SPATA6: variants seen among roughly 807,000 people sequenced by gnomAD.
SPATA6 encodes spermatogenesis-associated protein 6.
Under a neutral mutation model 65.3 loss-of-function variants are expected in SPATA6, and 56 were observed. The ratio of observed to expected loss-of-function variants is 0.86; its 90% CI spans 0.69 to 1.07. SPATA6 has a LOEUF of 1.07. SPATA6 is among the 50% of genes least tolerant of loss of function. SPATA6 has a pLI of 0.00. For missense variants in SPATA6, 590 were observed against 594.8 expected (o/e 0.99, Z 0.08); for synonymous variants, 199 against 213.2 (o/e 0.93, Z 0.58).
chr1:48,292,569 C>A (rs762210559), downstream of SPATA6, among the ~76,000 whole-genome samples: 1 of 152,198 alleles, frequency 6.6e-6, no homozygotes, highest in Non-Finnish European at 1.5e-5. Context: ...CCAAGACCAG[C>A]AGCAGGTGTT....
intron 9 of SPATA6, among the ~76,000 whole-genome samples, chr1:48,363,955 C>A (rs1646907463): frequency 1.3e-5 from 2 of 152,104 alleles, no homozygotes; most frequent in South Asian, 4.2e-4. Flanking sequence ...TCCCCCCTTC[C>A]CCCACCTCAC....
intron 9 of SPATA6, among the ~76,000 whole-genome samples, chr1:48,372,619 C>A (rs1647411540): frequency 1.3e-5 from 2 of 152,364 alleles, no homozygotes; most frequent in South Asian, 2.1e-4. Flanking sequence ...GGCAGTGCCC[C>A]AGTAGGGACT....
At chr1:48,436,077 T>C in intron 3 of SPATA6, 1 of 1,609,874 alleles carries the variant, frequency 6.2e-7, no homozygotes, top group Non-Finnish European at 8.5e-7. Context: ...AGCCAACCCT[T>C]TCCTGGTCAC....
intron 10 of SPATA6, among the ~76,000 whole-genome samples, chr1:48,356,901 T>C (rs1646677472): frequency 6.6e-6 from 1 of 152,152 alleles, no homozygotes; most frequent in African/African-American, 2.4e-5. Flanking sequence ...TAATGAATAA[T>C]CAATTATCTA....
chr1:48,291,524 C>T (rs1644767661), downstream of SPATA6, among the ~76,000 whole-genome samples: 1 of 151,834 alleles, frequency 6.6e-6, no homozygotes, highest in African/African-American at 2.4e-5. Context: ...TCGGCAGCCA[C>T]AGGCCTCAAC....
chr1:48,403,148 T>C (rs1177743635), intron 6 of SPATA6, among the ~76,000 whole-genome samples: 1 of 151,942 alleles, frequency 6.6e-6, no homozygotes. Flanking sequence ...GGCAACAGAG[T>C]GAGGCCCTGT....
At chr1:48,429,350 C>G (rs1049992560) in intron 3 of SPATA6, among the ~76,000 whole-genome samples, 6 of 151,966 alleles carry the variant, frequency 3.9e-5, no homozygotes, top group African/African-American at 1.2e-4. Flanking sequence ...ACTGCATATA[C>G]AGAGAAAATT....
At chr1:48,338,961 C>T (rs911177684) in intron 11 of SPATA6, among the ~76,000 whole-genome samples, 1 of 151,992 alleles carries the variant, frequency 6.6e-6, no homozygotes, top group African/African-American at 2.4e-5. Flanking sequence ...TTAGTAGAAG[C>T]TGGTCTCTGT....
rs1328559869 is a variant in SPATA6 at position 48,451,598 on chromosome 1, C to G, written c.192G>C (p.Val64=). The change falls in exon 3 of 13, where the codon GTG becomes GTC. Residue 64 remains valine, a splice_region_variant and synonymous_variant. Coordinates refer to ENST00000371847, the MANE Select transcript of SPATA6 (RefSeq NM_019073.4). ...VFNARMVFEK[V]FPDAVDPGDV... ...CTCCAGGATCTACTGCGTCCGGGAA[C>G]ACCTATAGTGAGACGATACAGGGAG... is the stretch of plus-strand genomic sequence containing the variant. The G allele has an allele frequency of 1.2e-6, 2 of 1,611,912 alleles. No individual in the cohort carries two copies. Among genetic ancestry groups the G allele is most frequent in the Admixed American group, 1.7e-5 (1 of 59,714 alleles).
chr1:48,458,385 A>C (rs1018207925), intron 1 of SPATA6, among the ~76,000 whole-genome samples: 18 of 152,194 alleles, frequency 1.2e-4, no homozygotes, highest in African/African-American at 4.1e-4. Flanking sequence ...ACATGGATGA[A>C]CCTTAAAAGC....
At chr1:48,440,183 T>C (rs1655328734) in intron 3 of SPATA6, among the ~76,000 whole-genome samples, 1 of 152,074 alleles carries the variant, frequency 6.6e-6, no homozygotes, top group South Asian at 2.1e-4. Context: ...CTATCGGTTA[T>C]GTCCCCTTCA....
At chr1:48,364,070 C>T (rs1019835728) in intron 9 of SPATA6, among the ~76,000 whole-genome samples, 20 of 151,956 alleles carry the variant, frequency 1.3e-4, no homozygotes, top group East Asian at 1.9e-4. Flanking sequence ...TTTGTCCTTG[C>T]GATAGTTTAC....
intron 3 of SPATA6, chr1:48,436,473 G>A: frequency 6.2e-7 from 1 of 1,607,958 alleles, no homozygotes; most frequent in Non-Finnish European, 8.5e-7. Context: ...TTGGAGCTGT[G>A]AGAGGGTTGA....
intron 9 of SPATA6, among the ~76,000 whole-genome samples, chr1:48,367,740 C>A (rs1348463621): frequency 6.6e-6 from 1 of 152,194 alleles, no homozygotes; most frequent in Non-Finnish European, 1.5e-5. Flanking sequence ...TGGGTCTTGA[C>A]TCTTTATCCA....
chr1:48,342,272 CAT>C (rs749275315), intron 11 of SPATA6, among the ~76,000 whole-genome samples: 2 of 152,072 alleles, frequency 1.3e-5, no homozygotes, highest in East Asian at 3.9e-4. Flanking sequence ...GCCTGTGTGG[CAT>C]AGTTTGTTGA....
At chr1:48,436,927 G>A in intron 3 of SPATA6, 1 of 1,613,408 alleles carries the variant, frequency 6.2e-7, no homozygotes, top group Non-Finnish European at 8.5e-7. Flanking sequence ...TGTCTCCAGT[G>A]GAACTCACAC....
intron 9 of SPATA6, among the ~76,000 whole-genome samples, chr1:48,375,291 T>C (rs1647755904): frequency 6.6e-6 from 1 of 152,066 alleles, no homozygotes; most frequent in Admixed American, 6.6e-5. Flanking sequence ...GAGAAATCTG[T>C]CTCATTACTA....
At chr1:48,263,358 C>T in the SPATA6 span, among the ~76,000 whole-genome samples, 1 of 151,984 alleles carries the variant, frequency 6.6e-6, no homozygotes, top group Non-Finnish European at 1.5e-5. Flanking sequence ...TAAGATGGAT[C>T]AAAAGTATAT....
rs1386990794 is a variant in SPATA6, at chr1:48,361,611, G to A, written c.910-1841C>T. On this transcript the variant is annotated intron_variant, in intron 9 of 12. Coordinates refer to ENST00000371847, the MANE Select transcript of SPATA6 (RefSeq NM_019073.4). ...CTTTAAGAGTTTATGTTATAGTAGCGCTATTTGTTAAATATTTGACCATTT... is the reference window on the plus strand; with the variant it reads ...CTTTAAGAGTTTATGTTATAGTAGCACTATTTGTTAAATATTTGACCATTT... 4.6e-5 allele frequency among the ~76,000 whole-genome samples: 7 copies of A among 152,050 alleles called. No homozygotes were observed. The East Asian group carries it at 5.8e-4, about 13-fold the overall frequency.
Sources: allele counts gnomAD v4.1 joint callset (sites outside exome capture counted in the v4.1 genomes callset), GRCh38; gene constraint gnomAD v4.1.1; transcripts MANE v1.5; gene names NCBI Gene and HGNC (gene_info 2026-07-23, HGNC 2026-07-21).